Variants in NPAS3 observed in about 807,000 individuals in gnomAD.
The protein encoded by NPAS3 is neuronal PAS domain protein 3.
NPAS3 carries 14 observed loss-of-function variants against 73.1 expected under a neutral mutation model. The observed-to-expected ratio is 0.19, with a 90% CI of 0.13 to 0.30. The LOEUF is 0.30. NPAS3 is among the 10% of genes least tolerant of loss of function. The probability of loss-of-function intolerance (pLI) is 1.00; values close to 1 mark genes in which losing one functional copy is unlikely to be tolerated. For synonymous variants in NPAS3, 620 were observed against 541.5 expected, an observed-to-expected ratio of 1.14 and a Z score of -2.01; for missense variants, 1,096 against 1,250.0, an observed-to-expected ratio of 0.88 and a Z score of 1.86.
intron 3 of NPAS3, among the ~76,000 whole-genome samples, chr14:33,252,145 C>T (rs553059057): frequency 2.7e-5 from 4 of 150,476 alleles, no homozygotes; most frequent in East Asian, 3.9e-4. Context: ...AAACTCATGA[C>T]GAGCTATTGT....
chr14:33,624,472 T>G (rs893445278), intron 5 of NPAS3, among the ~76,000 whole-genome samples: 7 of 152,182 alleles, frequency 4.6e-5, no homozygotes, highest in African/African-American at 1.7e-4. Flanking sequence ...GAGTAAAGTT[T>G]TATAACTTTT....
chr14:33,360,254 C>A (rs549725288), intron 3 of NPAS3, among the ~76,000 whole-genome samples: 1 of 151,222 alleles, frequency 6.6e-6, no homozygotes. Flanking sequence ...AAAATCAAGA[C>A]TTTCTAGCCC....
At chr14:33,049,270 C>G (rs2040619439) in intron 1 of NPAS3, among the ~76,000 whole-genome samples, 2 of 152,182 alleles carry the variant, frequency 1.3e-5, no homozygotes, top group Non-Finnish European at 2.9e-5. Context: ...CATCTCTAAC[C>G]CATGTGAAAT....
intron 1 of NPAS3, among the ~76,000 whole-genome samples, chr14:32,976,151 G>C (rs1473064409): frequency 6.6e-6 from 1 of 152,042 alleles, no homozygotes; most frequent in East Asian, 1.9e-4. Context: ...GAATCTAAAG[G>C]TACTCCAAAC....
intron 6 of NPAS3, among the ~76,000 whole-genome samples, chr14:33,680,295 C>A (rs1595425251): frequency 6.6e-6 from 1 of 152,166 alleles, no homozygotes; most frequent in South Asian, 2.1e-4. Flanking sequence ...ATGTTGAAGG[C>A]AAATAGTAAT....
chr14:33,103,369 T>C (rs1212374250), intron 2 of NPAS3, among the ~76,000 whole-genome samples: 1 of 152,158 alleles, frequency 6.6e-6, no homozygotes, highest in Non-Finnish European at 1.5e-5. Flanking sequence ...TTGCATCATG[T>C]AGACTTACTA....
intron 4 of NPAS3, among the ~76,000 whole-genome samples, chr14:33,543,946 C>CATATATATAT (rs35154724): frequency 3.8e-5 from 4 of 104,938 alleles, no homozygotes; most frequent in Non-Finnish European, 6.6e-5. Context: ...TGGCAAAGTG[C>CATATATATAT]ATATATATAT....
intron 6 of NPAS3, chr14:33,680,525 T>G: frequency 1.4e-6 from 1 of 690,918 alleles, no homozygotes; most frequent in South Asian, 1.5e-5. Flanking sequence ...TAAAATAAGA[T>G]TGTAATGCAT....
At chr14:33,566,483 C>T (rs1172744652) in intron 5 of NPAS3, among the ~76,000 whole-genome samples, 1 of 152,074 alleles carries the variant, frequency 6.6e-6, no homozygotes, top group Non-Finnish European at 1.5e-5. Context: ...TAGGCAAACA[C>T]GCCTCTTTAT....
intron 4 of NPAS3, among the ~76,000 whole-genome samples, chr14:33,488,904 AGT>A (rs1198090361): frequency 6.6e-6 from 1 of 152,198 alleles, no homozygotes; most frequent in Non-Finnish European, 1.5e-5. Flanking sequence ...ATGTGCAGGA[AGT>A]GTGAACGTGG....
intron 9 of NPAS3, 151 bp from the exon 10 acceptor site, chr14:33,793,746 T>C (rs943020713): frequency 3.5e-6 from 2 of 577,168 alleles, no homozygotes; most frequent in Non-Finnish European, 5.8e-6. Flanking sequence ...GTCCTACTAA[T>C]GGCATTCTAT....
intron 2 of NPAS3, among the ~76,000 whole-genome samples, chr14:33,060,693 G>A (rs758292717): frequency 6.6e-6 from 1 of 152,172 alleles, no homozygotes; most frequent in Non-Finnish European, 1.5e-5. Flanking sequence ...TGCCTCATCG[G>A]CACAGAGTTG....
intron 5 of NPAS3, among the ~76,000 whole-genome samples, chr14:33,646,326 A>G (rs1160293351): frequency 1.3e-5 from 2 of 152,166 alleles, no homozygotes; most frequent in Non-Finnish European, 1.5e-5. Flanking sequence ...AATCCATTAC[A>G]CTTAGCTTAA....
At chr14:33,183,464 A>G (rs893372154) in intron 2 of NPAS3, among the ~76,000 whole-genome samples, 3 of 69,960 alleles carry the variant, frequency 4.3e-5, no homozygotes, top group East Asian at 3.5e-4. Flanking sequence ...TTTTGAAACA[A>G]TCTGTTCTTG....
intron 2 of NPAS3, among the ~76,000 whole-genome samples, chr14:33,102,125 A>G (rs868418066): frequency 6.6e-5 from 10 of 151,958 alleles, no homozygotes; most frequent in African/African-American, 2.4e-4. Context: ...TCCCTTCTCC[A>G]GTCTTGCCCT....
intron 2 of NPAS3, among the ~76,000 whole-genome samples, chr14:33,187,756 T>A (rs1345123226): frequency 6.6e-6 from 1 of 152,120 alleles, no homozygotes; most frequent in East Asian, 1.9e-4. Flanking sequence ...TTTATTAAAT[T>A]AAGAGATTAT....
intron 5 of NPAS3, among the ~76,000 whole-genome samples, chr14:33,641,710 G>A (rs1369420341): frequency 6.6e-6 from 1 of 151,590 alleles, no homozygotes; most frequent in Admixed American, 6.6e-5. Flanking sequence ...TAATTTTCTC[G>A]GTGTTTATTT....
At chr14:33,444,636 G>T (rs1594919717) in intron 4 of NPAS3, among the ~76,000 whole-genome samples, 1 of 152,254 alleles carries the variant, frequency 6.6e-6, no homozygotes, top group South Asian at 2.1e-4. Flanking sequence ...GCAGAGTCGG[G>T]TTAGATGGAG....
At chr14:32,939,791 G>A (rs2035901036) in intron 1 of NPAS3, among the ~76,000 whole-genome samples, 1 of 151,924 alleles carries the variant, frequency 6.6e-6, no homozygotes, top group Non-Finnish European at 1.5e-5. Context: ...AGGGAATGAG[G>A]CTGGGGAGGG....
Sources: gnomAD v4.1 joint callset for allele counts (sites outside exome capture counted in the v4.1 genomes callset) on GRCh38, gnomAD v4.1.1 for gene constraint, MANE v1.5 for transcripts, NCBI Gene and HGNC (gene_info 2026-07-23, HGNC 2026-07-21) for gene names.